The following DOK6 variants were observed in gnomAD, a reference collection of about 807,000 sequenced individuals.
DOK6 encodes docking protein 6, also known as downstream of tyrosine kinase 6.
In DOK6, 22 loss-of-function variants were observed where a neutral mutation model predicts 44.0. The ratio of observed to expected loss-of-function variants is 0.50; its 90% CI spans 0.36 to 0.71. The LOEUF is 0.71. DOK6 is among the 30% of genes least tolerant of loss of function. The pLI is 0.00. For missense variants in DOK6, 340 were observed against 416.4 expected, an observed-to-expected ratio of 0.82 and a Z score of 1.60; for synonymous variants, 166 against 145.5, an observed-to-expected ratio of 1.14 and a Z score of -1.01.
At chr18:69,537,358 T>C (rs1412062844) in intron 1 of DOK6, among the ~76,000 whole-genome samples, 1 of 152,156 alleles carries the variant, frequency 6.6e-6, no homozygotes, top group Non-Finnish European at 1.5e-5. Flanking sequence ...TCTCTTTGTC[T>C]CAGTGCACAC....
At chr18:69,628,320 A>C (rs545923279) in intron 3 of DOK6, among the ~76,000 whole-genome samples, 105 of 152,250 alleles carry the variant, frequency 6.9e-4, no homozygotes, top group Admixed American at 1.0e-3. Flanking sequence ...GTGAAACCCC[A>C]TGTTTACTAA....
intron 1 of DOK6, among the ~76,000 whole-genome samples, chr18:69,533,907 C>T (rs1982050654): frequency 6.6e-6 from 1 of 152,046 alleles, no homozygotes; most frequent in Non-Finnish European, 1.5e-5. Context: ...AATTCATTCT[C>T]TTTAGATAGA....
intron 6 of DOK6, among the ~76,000 whole-genome samples, chr18:69,753,213 T>G (rs1205605518): frequency 1.3e-5 from 2 of 152,184 alleles, no homozygotes; most frequent in East Asian, 3.9e-4. Flanking sequence ...AAAAGATAAG[T>G]GTATTTATAT....
At chr18:69,753,708 G>C (rs79400215) in intron 6 of DOK6, among the ~76,000 whole-genome samples, 2,067 of 152,238 alleles carry the variant, frequency 0.014, 44 homozygotes, top group African/African-American at 0.047. Flanking sequence ...CCAGAGCATC[G>C]TTTCTAAATC....
intron 3 of DOK6, among the ~76,000 whole-genome samples, chr18:69,636,554 A>G (rs1037950565): frequency 6.6e-6 from 1 of 152,232 alleles, no homozygotes; most frequent in Non-Finnish European, 1.5e-5. Context: ...AACTCCACTC[A>G]TGAATGTCCC....
intron 2 of DOK6, among the ~76,000 whole-genome samples, chr18:69,575,540 C>T (rs533265911): frequency 1.1e-4 from 16 of 151,790 alleles, no homozygotes; most frequent in African/African-American, 3.1e-4. Context: ...ATTTCAATTC[C>T]GAGATTATTG....
chr18:69,673,306 G>A (rs1160102926), intron 3 of DOK6, among the ~76,000 whole-genome samples: 1 of 151,942 alleles, frequency 6.6e-6, no homozygotes, highest in Non-Finnish European at 1.5e-5. Context: ...TAACTTTAAT[G>A]TCATTATCTT....
chr18:69,656,567 A>G (rs1489874652), intron 3 of DOK6, among the ~76,000 whole-genome samples: 1 of 152,214 alleles, frequency 6.6e-6, no homozygotes, highest in Non-Finnish European at 1.5e-5. Flanking sequence ...AGTTCAATAA[A>G]TGTTGATTAA....
At chr18:69,555,035 G>A (rs557321601) in intron 1 of DOK6, among the ~76,000 whole-genome samples, 23 of 152,076 alleles carry the variant, frequency 1.5e-4, no homozygotes, top group Non-Finnish European at 3.1e-4. Context: ...TAACAGTTAC[G>A]TGTGTGGCAA....
At chr18:69,813,341 G>A (rs1387893935) in intron 7 of DOK6, among the ~76,000 whole-genome samples, 1 of 152,128 alleles carries the variant, frequency 6.6e-6, no homozygotes, top group Non-Finnish European at 1.5e-5. Flanking sequence ...TTGAACGTAT[G>A]TCCTTATGGG....
intron 7 of DOK6, among the ~76,000 whole-genome samples, chr18:69,782,620 C>T (rs1980311231): frequency 6.6e-6 from 1 of 151,748 alleles, no homozygotes; most frequent in Non-Finnish European, 1.5e-5. Context: ...TCTTGCAAGA[C>T]AGGTGCAGTG....
intron 1 of DOK6, among the ~76,000 whole-genome samples, chr18:69,429,668 A>G: frequency 9.4e-6 from 1 of 106,660 alleles, no homozygotes; most frequent in South Asian, 3.1e-4. Context: ...TATATATCTT[A>G]TTAATACAAC....
intron 5 of DOK6, among the ~76,000 whole-genome samples, chr18:69,719,103 T>G (rs1161329280): frequency 6.6e-6 from 1 of 152,198 alleles, no homozygotes; most frequent in Non-Finnish European, 1.5e-5. Context: ...ACAGTGGTGT[T>G]GCAACAGAGA....
intron 1 of DOK6, among the ~76,000 whole-genome samples, chr18:69,480,440 A>G (rs1980386202): frequency 6.6e-6 from 1 of 152,152 alleles, no homozygotes; most frequent in Non-Finnish European, 1.5e-5. Flanking sequence ...GACTAAATTA[A>G]TCTATAGAAA....
intron 7 of DOK6, among the ~76,000 whole-genome samples, chr18:69,838,530 T>C (rs894541243): frequency 3.3e-5 from 5 of 152,174 alleles, no homozygotes; most frequent in Non-Finnish European, 4.4e-5. Context: ...TACCATGACA[T>C]GGTGGCAGCA....
chr18:69,836,404 A>G (rs978505681), intron 7 of DOK6, among the ~76,000 whole-genome samples: 12 of 152,168 alleles, frequency 7.9e-5, no homozygotes, highest in Non-Finnish European at 1.5e-4. Flanking sequence ...GGGCATGTAT[A>G]CATACCTTAG....
In DOK6 at chr18:69,841,662, ACAGTAACAGAAACCTC is replaced by A. The variant is rs1420789546; in HGVS notation, c.*280_*295del. ...AAATAAACAAAATTCTTTGGGTCTG[ACAGTAACAGAAACCTC>A]AGCACTGGGAAAAGTTGCCCACACT... On this transcript the variant is annotated 3_prime_UTR_variant, in exon 8 of 8. Transcript: ENST00000382713. 5.7e-6 allele frequency: 2 copies of A among 348,328 alleles called. No homozygotes were observed. The highest frequency in any genetic ancestry group is 1.1e-5 in the Non-Finnish European group (2 of 190,262). 21.6% of individuals were successfully genotyped at this position (348,328 alleles called of 1,614,324 possible). A position where few individuals can be genotyped will look rare whatever the true frequency, so the allele number is the denominator to read the frequency against.
At chr18:69,442,970 T>G (rs1979178823) in intron 1 of DOK6, among the ~76,000 whole-genome samples, 1 of 152,178 alleles carries the variant, frequency 6.6e-6, no homozygotes, top group South Asian at 2.1e-4. Context: ...GTTTAATTTA[T>G]TTACAAATAA....
intron 3 of DOK6, among the ~76,000 whole-genome samples, chr18:69,612,998 G>A (rs1984198574): frequency 6.6e-6 from 1 of 151,426 alleles, no homozygotes; most frequent in South Asian, 2.1e-4. Context: ...CCTCCCACCT[G>A]AAGCTGGGAC....
Sources: gnomAD v4.1 joint callset for allele counts (sites outside exome capture counted in the v4.1 genomes callset) on GRCh38, gnomAD v4.1.1 for gene constraint, MANE v1.5 for transcripts, NCBI Gene and HGNC (gene_info 2026-07-23, HGNC 2026-07-21) for gene names.